Variants in GTF2E2 observed in about 807,000 individuals in gnomAD.
GTF2E2 encodes transcription initiation factor IIE subunit beta.
In GTF2E2, 21 loss-of-function variants were observed where a neutral mutation model predicts 40.5. The ratio of observed to expected loss-of-function variants is 0.52; its 90% CI spans 0.37 to 0.75. The LOEUF (loss-of-function observed/expected upper bound fraction) is 0.75. Among genes scored for constraint, GTF2E2 ranks in the 30% least tolerant of loss-of-function variants. GTF2E2 has a pLI of 0.00. For synonymous variants in GTF2E2, 117 were observed against 121.6 expected (o/e 0.96, Z 0.25); for missense variants, 298 against 338.4 (o/e 0.88, Z 0.94).
At chr8:30,615,601 AAATT>A (rs1376704670) in intron 3 of GTF2E2, among the ~76,000 whole-genome samples, 1 of 152,206 alleles carries the variant, frequency 6.6e-6, no homozygotes, top group Non-Finnish European at 1.5e-5. Context: ...TGTCCAAGAC[AAATT>A]AATAAGTTAA....
chr8:30,605,209 A>C (rs1829287411), intron 6 of GTF2E2, among the ~76,000 whole-genome samples: 1 of 152,246 alleles, frequency 6.6e-6, no homozygotes, highest in African/African-American at 2.4e-5. Context: ...TTAACACTAA[A>C]ATTCCCACTG....
In GTF2E2 at chr8:30,658,153, G is replaced by GGCGGCA; in HGVS notation, c.-186_-185insTGCCGC. ...TCTCACCACTGGCGGTGGCGGCGGC[G>GGCGGCA]GCGGCGGCAGCGGCGGTAGCTGAGG... On this transcript the variant is annotated 5_prime_UTR_variant, in exon 1 of 8. Coordinates refer to ENST00000355904, the MANE Select transcript of GTF2E2 (RefSeq NM_002095.6). The GGCGGCA allele has an allele frequency of 5.1e-6, 1 of 195,986 alleles. No homozygotes were observed. Among genetic ancestry groups the GGCGGCA allele is most frequent in the Non-Finnish European group, 1.0e-5 (1 of 96,910 alleles). The allele number at this position is 195,986 out of a possible 1,614,324, so 12.1% of individuals were successfully genotyped here. A position where few individuals can be genotyped will look rare whatever the true frequency, so the allele number is the denominator to read the frequency against.
At chr8:30,632,956 G>A (rs934826085) in intron 3 of GTF2E2, among the ~76,000 whole-genome samples, 4 of 152,006 alleles carry the variant, frequency 2.6e-5, no homozygotes, top group Admixed American at 2.0e-4. Context: ...CTCAAAACAC[G>A]AACAGATTTG....
intron 7 of GTF2E2, 89 bp downstream of exon 7, chr8:30,580,192 C>T (rs1249209306): frequency 1.5e-5 from 11 of 738,308 alleles, no homozygotes; most frequent in Non-Finnish European, 2.1e-5. Flanking sequence ...GGCGGGGGAA[C>T]AACTCCCAGC....
chr8:30,628,784 A>G (rs1170243325), intron 3 of GTF2E2, among the ~76,000 whole-genome samples: 6 of 152,090 alleles, frequency 3.9e-5, no homozygotes, highest in African/African-American at 7.2e-5. Flanking sequence ...ACAAAAAATT[A>G]GCCGGGTGTG....
chr8:30,650,905 T>C (rs1802252034), intron 2 of GTF2E2, among the ~76,000 whole-genome samples: 1 of 151,034 alleles, frequency 6.6e-6, no homozygotes, highest in South Asian at 2.1e-4. Flanking sequence ...TCCCAGCTAC[T>C]AGGGAGGCTG....
At position 30,641,412 on chromosome 8, in the gene GTF2E2, G is replaced by C. The variant is rs967762534; in HGVS notation, c.167-6289C>G. Among the ~76,000 whole-genome samples the C allele has an allele frequency of 2.0e-4, 30 of 152,302 alleles. 2 individuals are homozygous for C. The highest frequency in any genetic ancestry group is 1.7e-3 in the Admixed American group (26 of 15,298). On this transcript the variant is annotated intron_variant, in intron 2 of 7. Transcript: ENST00000355904. ...GGGTCTCACTCTATCACCCAGGCGG[G>C]AGTGCAATGGAGAAATCACAGCTCA...
In GTF2E2 at chr8:30,607,119, C is replaced by T. The variant is rs527328234; in HGVS notation, c.581G>A (p.Arg194His). 1.6e-5 allele frequency: 24 copies of T among 1,476,538 alleles called. No homozygotes were observed. The highest frequency in any genetic ancestry group is 2.8e-5 in the African/African-American group (2 of 70,822). 91.5% of individuals were successfully genotyped at this position (1,476,538 alleles called of 1,614,324 possible). A position where few individuals can be genotyped will look rare whatever the true frequency, so the allele number is the denominator to read the frequency against. The part of the protein sequence containing the change: ...ALGDQILFVN[R>H]PDKKKILFFN... Reference sequence around the variant, plus strand: ...GAAAAGTATTTTCTTCTTATCGGGACGATTTACAAATAGTATCTGGTCCCC... The same window carrying T: ...GAAAAGTATTTTCTTCTTATCGGGATGATTTACAAATAGTATCTGGTCCCC... Residue 194 changes from arginine to histidine, a missense_variant, in exon 6 of 8, where the codon CGT becomes CAT. By Grantham distance (29) the Arg-to-His change is conservative. Coordinates refer to ENST00000355904, the MANE Select transcript of GTF2E2 (RefSeq NM_002095.6).
At chr8:30,612,538 T>C (rs1829507150) in intron 4 of GTF2E2, 57 bp from the exon 5 acceptor site, 3 of 1,049,704 alleles carry the variant, frequency 2.9e-6, no homozygotes, top group South Asian at 1.8e-5. Flanking sequence ...TATATATATA[T>C]ATTTTTGAAA....
chr8:30,587,561 G>A (rs187651794), intron 6 of GTF2E2, among the ~76,000 whole-genome samples: 5 of 151,030 alleles, frequency 3.3e-5, no homozygotes, highest in African/African-American at 9.7e-5. Flanking sequence ...GAAATATTCA[G>A]ACATTTCTCA....
At chr8:30,626,254 A>G (rs1164499660) in intron 3 of GTF2E2, among the ~76,000 whole-genome samples, 1 of 152,240 alleles carries the variant, frequency 6.6e-6, no homozygotes, top group Non-Finnish European at 1.5e-5. Context: ...TGGGAGGCCA[A>G]CGTGGGCAGA....
At chr8:30,633,613 A>G (rs886231592) in intron 3 of GTF2E2, among the ~76,000 whole-genome samples, 2 of 152,224 alleles carry the variant, frequency 1.3e-5, no homozygotes, top group African/African-American at 4.8e-5. Context: ...AGACAAAGTT[A>G]TAAGTAAGCC....
chr8:30,586,078 A>AAAC (rs958355111), intron 6 of GTF2E2, among the ~76,000 whole-genome samples: 7 of 152,222 alleles, frequency 4.6e-5, no homozygotes, highest in East Asian at 1.9e-4. Flanking sequence ...CCTGTCTCTA[A>AAAC]AACAACAACA....
intron 3 of GTF2E2, among the ~76,000 whole-genome samples, chr8:30,626,302 T>C (rs1801271669): frequency 1.3e-5 from 2 of 152,098 alleles, no homozygotes; most frequent in African/African-American, 2.4e-5. Context: ...CTGGCCAACA[T>C]GGTGAAACCC....
chr8:30,602,219 T>C (rs965710232), intron 6 of GTF2E2, among the ~76,000 whole-genome samples: 5 of 152,134 alleles, frequency 3.3e-5, no homozygotes, highest in Admixed American at 3.3e-4. Flanking sequence ...GATTTCACCA[T>C]GTTGACCAGG....
chr8:30,605,073 T>C (rs1785920598), intron 6 of GTF2E2, among the ~76,000 whole-genome samples: 2 of 152,116 alleles, frequency 1.3e-5, no homozygotes, highest in Admixed American at 1.3e-4. Flanking sequence ...TATTAAGAAA[T>C]TCTAGAGCTT....
Position 30,620,931 on chromosome 8 carries a change from A to G in GTF2E2, c.259-6216T>C, listed in dbSNP as rs77075434. ...GAAACAGAGTGATATTACATCTTGGAAAAAAAAAAAAATGAGGTAGCTAAG... is the reference window on the plus strand; with the variant it reads ...GAAACAGAGTGATATTACATCTTGGGAAAAAAAAAAAATGAGGTAGCTAAG... On this transcript the variant is annotated intron_variant, in intron 3 of 7. Transcript: ENST00000355904. Among the ~76,000 whole-genome samples, 666 of 139,824 alleles carry G rather than the reference A, an allele frequency of 4.8e-3. 10 individuals are homozygous for G. The highest frequency in any genetic ancestry group is 0.017 in the African/African-American group (632 of 38,036). The allele number at this position is 139,824 out of a possible 152,430, so 91.7% of individuals were successfully genotyped here.
In GTF2E2 at chr8:30,607,126, C is replaced by T. The variant is rs1440885920; in HGVS notation, c.574G>A (p.Val192Ile). 1.4e-6 allele frequency: 2 copies of T among 1,439,592 alleles called. No individual in the cohort carries two copies. Among genetic ancestry groups the T allele is most frequent in the Admixed American group, 1.8e-5 (1 of 54,802 alleles). The allele number at this position is 1,439,592 out of a possible 1,614,324, so 89.2% of individuals were successfully genotyped here. The change falls in exon 6 of 8, where the codon GTA (valine) becomes ATA (isoleucine). Residue 192 changes from valine (V) to isoleucine (I), a missense_variant. By Grantham distance (29) the Val-to-Ile change is conservative. Transcript: ENST00000355904. Reference sequence around the variant, plus strand: ...ATTTTCTTCTTATCGGGACGATTTACAAATAGTATCTGGTCCCCCAAAGCC... The same window carrying T: ...ATTTTCTTCTTATCGGGACGATTTATAAATAGTATCTGGTCCCCCAAAGCC... The part of the protein sequence containing the change: ...VKALGDQILF[V>I]NRPDKKKILF...
At chr8:30,596,189 T>C (rs1169945517) in intron 6 of GTF2E2, among the ~76,000 whole-genome samples, 1 of 152,246 alleles carries the variant, frequency 6.6e-6, no homozygotes, top group Admixed American at 6.5e-5. Context: ...GTGTCCATCA[T>C]TAATTTTAGA....
Sources: gnomAD v4.1 joint callset for allele counts (sites outside exome capture counted in the v4.1 genomes callset) on GRCh38, gnomAD v4.1.1 for gene constraint, MANE v1.5 for transcripts, NCBI Gene and HGNC (gene_info 2026-07-23, HGNC 2026-07-21) for gene names.